The following ZNF623 variants were observed in gnomAD, a reference collection of about 807,000 sequenced individuals.
ZNF623 encodes the protein zinc finger protein 623.
ZNF623 carries 16 observed loss-of-function variants against 24.0 expected under a neutral mutation model. The ratio of observed to expected loss-of-function variants is 0.67; its 90% confidence interval spans 0.45 to 1.01. ZNF623 has a LOEUF of 1.01. ZNF623 is among the 50% of genes least tolerant of loss of function. The probability of loss-of-function intolerance (pLI) is 0.00; values close to 1 mark genes in which losing one functional copy is unlikely to be tolerated. For missense variants in ZNF623, 566 were observed against 606.5 expected (o/e 0.93, Z 0.70); for synonymous variants, 224 against 219.8 (o/e 1.02, Z -0.17).
At position 143,651,070 on chromosome 8, in the gene ZNF623, G is replaced by T; in HGVS notation, c.1078G>T (p.Glu360Ter). 1.9e-6 allele frequency: 3 copies of T among 1,614,210 alleles called. No homozygotes were observed. Among genetic ancestry groups the T allele is most frequent in the Non-Finnish European group, 2.5e-6 (3 of 1,180,044 alleles). The change falls in exon 2 of 2, where the codon GAG becomes TAG. Residue 360 changes from glutamate (E) to a stop codon, truncating the protein, a stop_gained. Coordinates refer to ENST00000526926, the MANE Select transcript of ZNF623 (RefSeq NM_001261843.2). LOFTEE classifies it high-confidence loss of function. ...LIRHQKIHTG[E>*]RVYECKECGK... ...TCGACACCAGAAAATCCACACTGGA[G>T]AGAGAGTGTATGAATGTAAGGAATG...
Position 143,652,065 on chromosome 8 carries a change from TG to T in ZNF623, c.*584del, listed in dbSNP as rs1815339780. 6.0e-6 allele frequency: 1 copy of T among 167,502 alleles called. No individual in the cohort carries two copies. The highest frequency in any genetic ancestry group is 1.5e-5 in the Non-Finnish European group (1 of 68,342). 10.4% of individuals were successfully genotyped at this position (167,502 alleles called of 1,614,324 possible). Reference sequence around the variant, plus strand: ...TGCTTCATCTTCCCTGTGCTCCACGTGGCTTCCTACCTCTCTCGCCTTTGTT... The same window carrying T: ...TGCTTCATCTTCCCTGTGCTCCACGTGCTTCCTACCTCTCTCGCCTTTGTT... On this transcript the variant is annotated 3_prime_UTR_variant, in exon 2 of 2. Transcript: ENST00000526926.
chr8:143,645,181 T>A (rs13264944), intron 1 of ZNF623, among the ~76,000 whole-genome samples: 393 of 147,550 alleles, frequency 2.7e-3, no homozygotes, highest in African/African-American at 9.8e-3. Context: ...TGGTGGCTCA[T>A]GCCTGTAATC....
In ZNF623 at chr8:143,651,404, A is replaced by G. The variant is rs1445590535; in HGVS notation, c.1412A>G (p.Glu471Gly). ...NVKNNQRVHQ[E>G]GLSLSKAPIH... ...AAAAATAATCAAAGGGTTCACCAAG[A>G]GGGACTCTCCTTGAGTAAGGCCCCC... is the stretch of plus-strand genomic sequence containing the variant. The change falls in exon 2 of 2, where the codon GAG becomes GGG. Residue 471 changes from glutamate (E) to glycine (G), a missense_variant. Glu to Gly is a moderately conservative substitution (Grantham distance 98, BLOSUM62 -2). Around this residue, in one of 3 missense-constraint regions of ZNF623, gnomAD observed 136 missense variants for 131.9 expected, o/e 1.03. Transcript: ENST00000526926. The G allele has an allele frequency of 1.2e-6, 2 of 1,614,078 alleles. No homozygotes were observed. Among genetic ancestry groups the G allele is most frequent in the Non-Finnish European group, 1.7e-6 (2 of 1,179,936 alleles).
Position 143,651,074 on chromosome 8 carries a change from G to A in ZNF623, c.1082G>A (p.Arg361Lys). Residue 361 changes from arginine (R) to lysine (K), a missense_variant, in exon 2 of 2, where the codon AGA becomes AAA. This residue lies in a region of ZNF623 where 117 missense variants were observed against 174.2 expected (regional missense o/e 0.67). Transcript: ENST00000526926. ...IRHQKIHTGE[R>K]VYECKECGKA... is the part of the protein sequence containing the mutation. The stretch of plus-strand genomic sequence containing the variant: ...CACCAGAAAATCCACACTGGAGAGA[G>A]AGTGTATGAATGTAAGGAATGTGGG... 1.2e-6 allele frequency: 2 copies of A among 1,614,202 alleles called. No homozygotes were observed. Among genetic ancestry groups the A allele is most frequent in the South Asian group, 2.2e-5 (2 of 91,084 alleles).
intron 1 of ZNF623, among the ~76,000 whole-genome samples, chr8:143,646,083 C>T (rs1238565743): frequency 1.3e-5 from 2 of 152,176 alleles, no homozygotes; most frequent in South Asian, 4.1e-4. Context: ...ACTCTGTCAC[C>T]TAGGTTGGAG....
intron 1 of ZNF623, among the ~76,000 whole-genome samples, chr8:143,641,799 A>T (rs1043695744): frequency 1.3e-5 from 2 of 152,098 alleles, no homozygotes; most frequent in Non-Finnish European, 2.9e-5. Flanking sequence ...TTTTTTTCTG[A>T]GCAGTAGGTC....
chr8:143,649,273 A>G lies in ZNF623; in HGVS notation c.-95-625A>G, dbSNP rs561141026. ...AGCCTGGGTGACAGAGCGAGACTCC[A>G]TCTAAAAAAAAAAAAAACAAAAACA... is the stretch of plus-strand genomic sequence containing the variant. On this transcript the variant is annotated intron_variant, in intron 1 of 1. Coordinates refer to ENST00000526926, the MANE Select transcript of ZNF623 (RefSeq NM_001261843.2). 4.3e-4 allele frequency among the ~76,000 whole-genome samples: 59 copies of G among 138,748 alleles called. 1 individual carries two copies. In the East Asian group the frequency reaches 0.013, roughly 31 times the overall value. The allele number at this position is 138,748 out of a possible 152,430, so 91.0% of individuals were successfully genotyped here. A position where few individuals can be genotyped will look rare whatever the true frequency, so the allele number is the denominator to read the frequency against.
At chr8:143,643,149 G>A (rs896937) in intron 1 of ZNF623, among the ~76,000 whole-genome samples, 71,998 of 152,088 alleles carry the variant, frequency 0.47, 21,011 homozygotes, top group Non-Finnish European at 0.66. Flanking sequence ...GCCCCTAGGG[G>A]CGGCTCCTGC....
intron 1 of ZNF623, among the ~76,000 whole-genome samples, chr8:143,646,483 C>T (rs1587329828): frequency 2.6e-5 from 4 of 152,106 alleles, no homozygotes; most frequent in Non-Finnish European, 5.9e-5. Context: ...CCTGCCCACA[C>T]AGCACTCACA....
chr8:143,636,957 C>T (rs1360936106), intron 1 of ZNF623, among the ~76,000 whole-genome samples: 1 of 152,218 alleles, frequency 6.6e-6, no homozygotes, highest in Non-Finnish European at 1.5e-5. Context: ...TGGTGTGAAG[C>T]AGCTCAGGGA....
In ZNF623 at chr8:143,653,727, A is replaced by G. The variant is rs1199357986; in HGVS notation, c.*2244A>G. 6.0e-6 allele frequency: 1 copy of G among 167,056 alleles called. No homozygotes were observed. Among genetic ancestry groups the G allele is most frequent in the Non-Finnish European group, 1.5e-5 (1 of 68,126 alleles). 10.3% of individuals were successfully genotyped at this position (167,056 alleles called of 1,614,324 possible). A position where few individuals can be genotyped will look rare whatever the true frequency, so the allele number is the denominator to read the frequency against. ...TTTGGCATGTTTTTAGACTCATCCA[A>G]GCTGTTTTGTGTTTCAGTAGTTCTC... On this transcript the variant is annotated 3_prime_UTR_variant, in exon 2 of 2. Coordinates refer to ENST00000526926, the MANE Select transcript of ZNF623 (RefSeq NM_001261843.2).
intron 1 of ZNF623, among the ~76,000 whole-genome samples, chr8:143,646,194 A>C (rs754509256): frequency 6.6e-6 from 1 of 151,998 alleles, no homozygotes; most frequent in Non-Finnish European, 1.5e-5. Context: ...GGTATGCAAC[A>C]TCACACCCAG....
Position 143,651,693 on chromosome 8 carries a change from C to G in ZNF623, c.*210C>G. The G allele has an allele frequency of 1.9e-6, 1 of 528,736 alleles. No homozygotes were observed. Among genetic ancestry groups the G allele is most frequent in the South Asian group, 3.6e-5 (1 of 28,010 alleles). The allele number at this position is 528,736 out of a possible 1,614,324, so 32.8% of individuals were successfully genotyped here. On this transcript the variant is annotated 3_prime_UTR_variant, in exon 2 of 2. Transcript: ENST00000526926. ...TCCTCAGGAGAGTCACAGGGCTTGA[C>G]ACCTGACTCTGAGCTGGAACAGTAG...
At chr8:143,637,477 C>T (rs1004577927) in intron 1 of ZNF623, among the ~76,000 whole-genome samples, 1 of 152,174 alleles carries the variant, frequency 6.6e-6, no homozygotes, top group Non-Finnish European at 1.5e-5. Flanking sequence ...CCTAGACACC[C>T]CAGAGCTGCT....
intron 1 of ZNF623, among the ~76,000 whole-genome samples, chr8:143,640,970 C>G (rs113540293): frequency 9.0e-6 from 1 of 111,692 alleles, no homozygotes; most frequent in Non-Finnish European, 1.7e-5. Flanking sequence ...AAAAAAAAAG[C>G]AGCAGCACCT....
intron 1 of ZNF623, among the ~76,000 whole-genome samples, chr8:143,639,018 G>C (rs986054756): frequency 2.0e-5 from 3 of 150,204 alleles, no homozygotes; most frequent in Non-Finnish European, 3.0e-5. Context: ...TCAGCCTCTC[G>C]AGAAGCTGGG....
At position 143,650,560 on chromosome 8, in the gene ZNF623, A is replaced by T. The variant is rs1815277994; in HGVS notation, c.568A>T (p.Thr190Ser). The T allele has an allele frequency of 4.3e-6, 7 of 1,614,132 alleles. No homozygotes were observed. The African/African-American group carries it at 6.7e-5, about 15-fold the overall frequency. The stretch of plus-strand genomic sequence containing the variant: ...CCTGATTAGGCACCAGAGAGTTCAC[A>T]CCAGAGAGAGACCTTTTGAATGCAA... Reference protein sequence around the residue: ...SDLIRHQRVHTRERPFECKEC... With the variant: ...SDLIRHQRVHSRERPFECKEC... The change falls in exon 2 of 2, where the codon ACC becomes TCC. Residue 190 changes from threonine to serine, a missense_variant. This residue lies in a region of ZNF623 where 313 missense variants were observed against 300.4 expected (regional missense o/e 1.04). Transcript: ENST00000526926. The surrounding 1 kb of genome is among the most constrained non-coding windows in gnomAD (Gnocchi z 5.2).
At chr8:143,645,841 T>C (rs1815166050) in intron 1 of ZNF623, among the ~76,000 whole-genome samples, 3 of 152,188 alleles carry the variant, frequency 2.0e-5, no homozygotes, top group Admixed American at 2.0e-4. Context: ...AGGCTCCAGC[T>C]ACCCAGAACC....
At chr8:143,646,541 G>A (rs7006752) in intron 1 of ZNF623, among the ~76,000 whole-genome samples, 3,096 of 133,680 alleles carry the variant, frequency 0.023, 78 homozygotes, top group African/African-American at 0.076. Flanking sequence ...CCTGTGGGGT[G>A]TGTGCGTGTG....
Sources: allele counts gnomAD v4.1 joint callset (sites outside exome capture counted in the v4.1 genomes callset), GRCh38; gene constraint gnomAD v4.1.1; regional missense constraint gnomAD v4.1.1; non-coding constraint Gnocchi (gnomAD v3.1); transcripts MANE v1.5; gene names NCBI Gene and HGNC (gene_info 2026-07-23, HGNC 2026-07-21).